The following ATRNL1 variants were observed in gnomAD, a reference collection of about 807,000 sequenced individuals.
ATRNL1 encodes attractin-like protein 1.
ATRNL1 carries 95 observed loss-of-function variants against 182.7 expected under a neutral mutation model. The observed-to-expected ratio is 0.52, with a 90% CI of 0.44 to 0.62. The LOEUF is 0.62. Ranked by LOEUF, ATRNL1 falls within the 20% of genes least tolerant of loss-of-function variation. The pLI, the probability that ATRNL1 is intolerant of heterozygous loss-of-function variation, is 0.00. For synonymous variants in ATRNL1, 576 were observed against 568.3 expected, an observed-to-expected ratio of 1.01 and a Z score of -0.19; for missense variants, 1,471 against 1,679.5, an observed-to-expected ratio of 0.88 and a Z score of 2.17.
At chr10:115,355,502 T>A (rs1856464389) in intron 19 of ATRNL1, among the ~76,000 whole-genome samples, 1 of 152,104 alleles carries the variant, frequency 6.6e-6, no homozygotes, top group African/African-American at 2.4e-5. Flanking sequence ...AAGGAGCCCT[T>A]CTCTACCCTG....
At chr10:115,766,550 T>C (rs1948862215) in intron 27 of ATRNL1, among the ~76,000 whole-genome samples, 2 of 152,176 alleles carry the variant, frequency 1.3e-5, no homozygotes, top group South Asian at 4.1e-4. Context: ...AAAAGTAGTA[T>C]CTCATAGTTT....
intron 24 of ATRNL1, among the ~76,000 whole-genome samples, chr10:115,486,998 CT>C (rs1372635619): frequency 1.3e-5 from 2 of 152,102 alleles, no homozygotes; most frequent in Non-Finnish European, 2.9e-5. Flanking sequence ...ACAGGGAATC[CT>C]TCCCCCATTG....
intron 1 of ATRNL1, among the ~76,000 whole-genome samples, chr10:115,098,569 C>A (rs982863577): frequency 6.3e-5 from 9 of 143,424 alleles, no homozygotes; most frequent in Non-Finnish European, 1.3e-4. Flanking sequence ...TCACGCCATT[C>A]TCCTGCTTCA....
At chr10:115,115,585 A>G (rs1171653895) in intron 1 of ATRNL1, among the ~76,000 whole-genome samples, 1 of 152,106 alleles carries the variant, frequency 6.6e-6, no homozygotes, top group Non-Finnish European at 1.5e-5. Flanking sequence ...GATAAATAGT[A>G]TTTTAACTAG....
At chr10:115,659,732 G>C (rs964506382) in intron 26 of ATRNL1, among the ~76,000 whole-genome samples, 2 of 152,078 alleles carry the variant, frequency 1.3e-5, no homozygotes, top group Non-Finnish European at 2.9e-5. Flanking sequence ...CTCAAAGAAT[G>C]TGAAATCCAA....
At chr10:115,855,755 A>C (rs1951165844) in intron 28 of ATRNL1, among the ~76,000 whole-genome samples, 1 of 152,228 alleles carries the variant, frequency 6.6e-6, no homozygotes, top group Non-Finnish European at 1.5e-5. Context: ...AATCAAGCCC[A>C]AAACTGTACT....
chr10:115,813,451 G>T (rs1416753935), intron 27 of ATRNL1, among the ~76,000 whole-genome samples: 1 of 152,098 alleles, frequency 6.6e-6, no homozygotes, highest in Admixed American at 6.6e-5. Context: ...CTGAAGCTGA[G>T]ATGATGAAAA....
intron 21 of ATRNL1, among the ~76,000 whole-genome samples, chr10:115,459,790 C>T (rs1485717622): frequency 2.0e-5 from 3 of 152,120 alleles, no homozygotes; most frequent in African/African-American, 7.2e-5. Flanking sequence ...TAAAAACTTG[C>T]TGGTTTTTGT....
At chr10:115,554,392 A>T (rs1853189244) in intron 26 of ATRNL1, among the ~76,000 whole-genome samples, 1 of 151,656 alleles carries the variant, frequency 6.6e-6, no homozygotes, top group Non-Finnish European at 1.5e-5. Flanking sequence ...TGAGAAGTCA[A>T]ATATGTATGC....
intron 6 of ATRNL1, among the ~76,000 whole-genome samples, chr10:115,163,214 T>C (rs1554883658): frequency 1.3e-5 from 2 of 151,898 alleles, no homozygotes; most frequent in African/African-American, 4.8e-5. Flanking sequence ...CACTTGTTAT[T>C]CTTCGGCTTA....
chr10:115,796,171 G>A (rs1351814276), intron 27 of ATRNL1, among the ~76,000 whole-genome samples: 1 of 151,798 alleles, frequency 6.6e-6, no homozygotes, highest in Non-Finnish European at 1.5e-5. Context: ...GCCTCTCTGT[G>A]GAGATGCCGT....
At chr10:115,487,369 A>G (rs1367769828) in intron 24 of ATRNL1, among the ~76,000 whole-genome samples, 1 of 152,148 alleles carries the variant, frequency 6.6e-6, no homozygotes, top group African/African-American at 2.4e-5. Flanking sequence ...CTTCCTATCA[A>G]TGACCATGGA....
chr10:115,275,092 G>A (rs570924143), intron 13 of ATRNL1, among the ~76,000 whole-genome samples: 81 of 152,286 alleles, frequency 5.3e-4, no homozygotes, highest in African/African-American at 1.9e-3. Context: ...TCTACATAGA[G>A]GCTGTTCTAG....
chr10:115,860,107 C>T (rs1951278884), intron 28 of ATRNL1, among the ~76,000 whole-genome samples: 1 of 152,134 alleles, frequency 6.6e-6, no homozygotes, highest in South Asian at 2.1e-4. Flanking sequence ...TCCTTAGGAG[C>T]TGGGACTGAA....
At chr10:115,583,739 T>G (rs1855293196) in intron 26 of ATRNL1, among the ~76,000 whole-genome samples, 1 of 150,610 alleles carries the variant, frequency 6.6e-6, no homozygotes, top group African/African-American at 2.4e-5. Flanking sequence ...GAATACCCTT[T>G]ATTTCCTTCT....
chr10:115,825,781 G>T (rs1209195392), intron 27 of ATRNL1, among the ~76,000 whole-genome samples: 5 of 152,132 alleles, frequency 3.3e-5, no homozygotes, highest in Non-Finnish European at 1.5e-5. Flanking sequence ...TCTCCTGGAA[G>T]ATTCCTGGCT....
At chr10:115,302,523 G>T (rs1327385884) in intron 17 of ATRNL1, among the ~76,000 whole-genome samples, 5 of 152,160 alleles carry the variant, frequency 3.3e-5, no homozygotes, top group Non-Finnish European at 7.4e-5. Flanking sequence ...TTTGGGGCAA[G>T]AATATTTTAT....
chr10:115,382,204 A>G (rs1858054295), intron 19 of ATRNL1, among the ~76,000 whole-genome samples: 1 of 152,162 alleles, frequency 6.6e-6, no homozygotes, highest in Admixed American at 6.5e-5. Context: ...TGTGTATTTT[A>G]GAATCAGCTT....
intron 14 of ATRNL1, among the ~76,000 whole-genome samples, chr10:115,283,891 A>G (rs1229039721): frequency 6.6e-6 from 1 of 152,202 alleles, no homozygotes; most frequent in Non-Finnish European, 1.5e-5. Flanking sequence ...CCAGGCTATT[A>G]TTTTGGAAAT....
Sources: gnomAD v4.1 joint callset for allele counts (sites outside exome capture counted in the v4.1 genomes callset) on GRCh38, gnomAD v4.1.1 for gene constraint, MANE v1.5 for transcripts, NCBI Gene and HGNC (gene_info 2026-07-23, HGNC 2026-07-21) for gene names.